Variants in GPCPD1 observed in about 807,000 individuals in gnomAD.
GPCPD1 encodes the protein glycerophosphocholine phosphodiesterase 1.
In GPCPD1, 29 loss-of-function variants were observed where a neutral mutation model predicts 89.2. That is an observed-to-expected ratio of 0.33 (90% CI 0.24 to 0.44). GPCPD1 has a LOEUF of 0.44. Among genes scored for constraint, GPCPD1 ranks in the 20% least tolerant of loss-of-function variants. GPCPD1 has a pLI of 1.00. For missense variants in GPCPD1, 594 were observed against 808.9 expected, an observed-to-expected ratio of 0.73 and a Z score of 3.22; for synonymous variants, 258 against 266.3, an observed-to-expected ratio of 0.97 and a Z score of 0.30.
chr20:5,581,079 A>T (rs185063041), intron 6 of GPCPD1, among the ~76,000 whole-genome samples: 39 of 151,970 alleles, frequency 2.6e-4, no homozygotes, highest in Admixed American at 1.8e-3. Context: ...ATGCTGGCCA[A>T]GCTGGTCTCA....
rs77065603 is a variant in GPCPD1 at position 5,609,110 on chromosome 20, A to T, written c.-29+1732T>A. On this transcript the variant is annotated intron_variant, in intron 1 of 19. Transcript: ENST00000379019. The stretch of plus-strand genomic sequence containing the variant: ...GACATTCACTTTAGAGCTAAATTGA[A>T]GTCAGATATTTTTAGCTAAAGTGTT... 4.8e-4 allele frequency among the ~76,000 whole-genome samples: 73 copies of T among 152,342 alleles called. No individual in the cohort carries two copies. The East Asian group carries it at 0.014, about 29-fold the overall frequency.
At chr20:5,553,007 A>T (rs6076848) in intron 19 of GPCPD1, among the ~76,000 whole-genome samples, 22,176 of 152,080 alleles carry the variant, frequency 0.15, 1,812 homozygotes, top group Middle Eastern at 0.21. Context: ...ATTTTATTTT[A>T]TATGAGATGG....
At position 5,585,833 on chromosome 20, in the gene GPCPD1, T is replaced by C. The variant is rs138671832; in HGVS notation, c.307+361A>G. The C allele has an allele frequency of 1.7e-4, 30 of 174,810 alleles. No homozygotes were observed. The East Asian group carries it at 4.2e-3, about 24-fold the overall frequency. The allele number at this position is 174,810 out of a possible 1,614,324, so 10.8% of individuals were successfully genotyped here. A position where few individuals can be genotyped will look rare whatever the true frequency, so the allele number is the denominator to read the frequency against. On this transcript the variant is annotated intron_variant, in intron 5 of 19. Transcript: ENST00000379019. ...GAATCTTTGTTTTGGATTAATTTTT[T>C]CTTCAAATGTTCGTTAAGCCTGAGC...
At chr20:5,589,369 T>G (rs1361232301) in intron 4 of GPCPD1, among the ~76,000 whole-genome samples, 1 of 152,126 alleles carries the variant, frequency 6.6e-6, no homozygotes, top group Non-Finnish European at 1.5e-5. Flanking sequence ...CCCAGCACTT[T>G]GGGAGGTCAA....
At chr20:5,555,776 C>T (rs1443641076) in intron 19 of GPCPD1, among the ~76,000 whole-genome samples, 1 of 152,176 alleles carries the variant, frequency 6.6e-6, no homozygotes, top group East Asian at 1.9e-4. Flanking sequence ...ATCGCTTGAA[C>T]CCAGGAGATG....
At chr20:5,549,306 G>T in intron 19 of GPCPD1, 4 of 983,638 alleles carry the variant, frequency 4.1e-6, no homozygotes, top group Non-Finnish European at 6.4e-6. Context: ...AGAGCTAAAG[G>T]TGATAAGATA....
At chr20:5,591,743 T>C (rs1212100462) in intron 4 of GPCPD1, among the ~76,000 whole-genome samples, 3 of 152,222 alleles carry the variant, frequency 2.0e-5, no homozygotes, top group Non-Finnish European at 4.4e-5. Context: ...TTTTTTAAAG[T>C]GTCACATTAA....
chr20:5,586,667 T>A (rs1327778320), intron 4 of GPCPD1, among the ~76,000 whole-genome samples: 1 of 152,220 alleles, frequency 6.6e-6, no homozygotes, highest in Admixed American at 6.5e-5. Flanking sequence ...ATGTACCTCC[T>A]GCTCTATGCA....
chr20:5,578,519 G>T lies in GPCPD1; in HGVS notation c.566C>A (p.Ser189Tyr). The T allele has an allele frequency of 6.2e-7, 1 of 1,613,260 alleles. No homozygotes were observed. Among genetic ancestry groups the T allele is most frequent in the Non-Finnish European group, 8.5e-7 (1 of 1,179,202 alleles). ...CTTGAACTCATTGTCGCTTATTAAGGATATCTCCAAGCTATTGGACATTTT... is the reference window on the plus strand; with the variant it reads ...CTTGAACTCATTGTCGCTTATTAAGTATATCTCCAAGCTATTGGACATTTT... ...LHKMSNSLEI[S>Y]LISDNEFKCR... The change falls in exon 8 of 20, where the codon TCC (serine) becomes TAC (tyrosine). Residue 189 changes from serine to tyrosine, a missense_variant. Transcript: ENST00000379019.
chr20:5,589,134 G>A (rs1018482149), intron 4 of GPCPD1, among the ~76,000 whole-genome samples: 9 of 152,118 alleles, frequency 5.9e-5, no homozygotes, highest in African/African-American at 1.9e-4. Context: ...CAAAGGGCCA[G>A]GTAAACTGAT....
rs1448505531 is a variant in GPCPD1, at chr20:5,584,305, CAAT to C, written c.322_324del (p.Ile108del). The C allele has an allele frequency of 4.9e-6, 7 of 1,424,210 alleles. No individual in the cohort carries two copies. Among genetic ancestry groups the C allele is most frequent in the Non-Finnish European group, 5.9e-6 (6 of 1,011,406 alleles). 88.2% of individuals were successfully genotyped at this position (1,424,210 alleles called of 1,614,324 possible). On this transcript the variant is annotated inframe_deletion, in exon 6 of 20. Coordinates refer to ENST00000379019, the MANE Select transcript of GPCPD1 (RefSeq NM_019593.5). ...CTGTGGATTCCAAATTGTCCATCGT[CAAT>C]AATAATTTCGCTTTCTAGAATTTAA...
intron 6 of GPCPD1, among the ~76,000 whole-genome samples, chr20:5,583,690 G>C (rs1444627782): frequency 6.6e-6 from 1 of 152,162 alleles, no homozygotes; most frequent in Non-Finnish European, 1.5e-5. Context: ...AGAATTACTA[G>C]AACTCTTTGG....
In GPCPD1 at chr20:5,547,561, T is replaced by C; in HGVS notation, c.*100A>G. 1 of 597,708 alleles carries C rather than the reference T, an allele frequency of 1.7e-6. No individual in the cohort carries two copies. Among genetic ancestry groups the C allele is most frequent in the Admixed American group, 2.6e-5 (1 of 37,752 alleles). The allele number at this position is 597,708 out of a possible 1,614,324, so 37.0% of individuals were successfully genotyped here. A position where few individuals can be genotyped will look rare whatever the true frequency, so the allele number is the denominator to read the frequency against. On this transcript the variant is annotated 3_prime_UTR_variant, in exon 20 of 20. Coordinates refer to ENST00000379019, the MANE Select transcript of GPCPD1 (RefSeq NM_019593.5). The stretch of plus-strand genomic sequence containing the variant: ...ATACTTCATTATTGCTTCATTGAAC[T>C]GAGAAGCCCAAAAGGCATAGATCAA...
rs1356271831 is a variant in GPCPD1 at position 5,578,368 on chromosome 20, G to A, written c.705+12C>T. ...ATTCTTTCTCAATCCCCTCACTGCA[G>A]TAACTACTCACTTCGAAAAAATCAA... On this transcript the variant is annotated intron_variant, in intron 8 of 19. Transcript: ENST00000379019. 5 of 1,458,698 alleles carry A rather than the reference G, an allele frequency of 3.4e-6. No homozygotes were observed. Among genetic ancestry groups the A allele is most frequent in the East Asian group, 2.3e-5 (1 of 44,218 alleles). 90.4% of individuals were successfully genotyped at this position (1,458,698 alleles called of 1,614,324 possible). A position where few individuals can be genotyped will look rare whatever the true frequency, so the allele number is the denominator to read the frequency against.
chr20:5,586,712 A>G (rs1978950127), intron 4 of GPCPD1, among the ~76,000 whole-genome samples: 1 of 152,232 alleles, frequency 6.6e-6, no homozygotes, highest in Non-Finnish European at 1.5e-5. Context: ...ACAATAGTAA[A>G]AATAGTAGGA....
At chr20:5,579,751 T>C (rs1026394460) in intron 7 of GPCPD1, among the ~76,000 whole-genome samples, 2 of 152,184 alleles carry the variant, frequency 1.3e-5, no homozygotes, top group African/African-American at 4.8e-5. Flanking sequence ...AAATAGAAAC[T>C]ATAAAAATAC....
chr20:5,557,680 G>T (rs1985851938), intron 19 of GPCPD1, among the ~76,000 whole-genome samples: 1 of 152,050 alleles, frequency 6.6e-6, no homozygotes, highest in South Asian at 2.1e-4. Flanking sequence ...ACAGAGAAGA[G>T]GTCTAAGGGC....
chr20:5,593,745 G>C (rs1226764824), intron 3 of GPCPD1, among the ~76,000 whole-genome samples: 1 of 152,174 alleles, frequency 6.6e-6, no homozygotes, highest in Non-Finnish European at 1.5e-5. Context: ...TAAATGATGA[G>C]AAGGAACCAG....
chr20:5,578,663 T>A (rs1568661925), intron 7 of GPCPD1, 52 bp from the exon 8 acceptor site: 1 of 1,138,338 alleles, frequency 8.8e-7, no homozygotes, highest in Admixed American at 1.9e-5. Context: ...AAAGAAAAAC[T>A]CATACAAATG....
Sources: allele counts gnomAD v4.1 joint callset (sites outside exome capture counted in the v4.1 genomes callset), GRCh38; gene constraint gnomAD v4.1.1; transcripts MANE v1.5; gene names NCBI Gene and HGNC (gene_info 2026-07-23, HGNC 2026-07-21).